GABRB1: variants seen among roughly 807,000 people sequenced by gnomAD.
GABRB1 encodes gamma-aminobutyric acid receptor subunit beta-1.
GABRB1 carries 17 observed loss-of-function variants against 51.6 expected under a neutral mutation model. That is an observed-to-expected ratio of 0.33 (90% CI 0.23 to 0.49). The LOEUF (loss-of-function observed/expected upper bound fraction) is 0.49, where lower values mean the gene tolerates loss of function less well. Among genes scored for constraint, GABRB1 ranks in the 20% least tolerant of loss-of-function variants. GABRB1 has a pLI of 0.99. For missense variants in GABRB1, 410 were observed against 600.6 expected (o/e 0.68, Z 3.32); for synonymous variants, 247 against 218.9 (o/e 1.13, Z -1.14).
intron 8 of GABRB1, among the ~76,000 whole-genome samples, chr4:47,412,208 A>G (rs886618115): frequency 3.3e-5 from 5 of 152,152 alleles, no homozygotes; most frequent in African/African-American, 1.2e-4. Flanking sequence ...TCCCAATTAT[A>G]CACCCCAGAG....
intron 5 of GABRB1, among the ~76,000 whole-genome samples, chr4:47,340,529 C>T (rs140332808): frequency 0.012 from 1,868 of 152,154 alleles, 20 homozygotes; most frequent in Middle Eastern, 0.031. Context: ...TGGTGAGGGC[C>T]CACTTCCTGC....
chr4:47,375,641 A>G (rs1727350181), intron 5 of GABRB1, among the ~76,000 whole-genome samples: 1 of 152,204 alleles, frequency 6.6e-6, no homozygotes, highest in African/African-American at 2.4e-5. Flanking sequence ...GAGCTTCTTG[A>G]GTCATTACAA....
In GABRB1 at chr4:47,280,256, C is replaced by G. The variant is rs373091784; in HGVS notation, c.462-39871C>G. ...AAGCTGATAACAGCTTAACTTTGGT[C>G]ACTTGCACAAACTCTACACTTTTAC... On this transcript the variant is annotated intron_variant, in intron 4 of 8. Coordinates refer to ENST00000295454, the MANE Select transcript of GABRB1 (RefSeq NM_000812.4). Among the ~76,000 whole-genome samples the G allele has an allele frequency of 3.3e-5, 5 of 151,782 alleles. No homozygotes were observed. The East Asian group carries it at 5.8e-4, about 18-fold the overall frequency.
At chr4:47,138,145 A>G (rs533051826) in intron 3 of GABRB1, among the ~76,000 whole-genome samples, 1 of 152,184 alleles carries the variant, frequency 6.6e-6, no homozygotes, top group East Asian at 1.9e-4. Context: ...TATGGTCTTC[A>G]GTTCTTAAGA....
chr4:47,148,256 T>C (rs1483663369), intron 3 of GABRB1, among the ~76,000 whole-genome samples: 3 of 151,986 alleles, frequency 2.0e-5, no homozygotes, highest in Non-Finnish European at 4.4e-5. Flanking sequence ...AGGGTGGAGA[T>C]GGAGGACCCG....
chr4:47,189,846 T>A (rs1305190800), intron 4 of GABRB1, among the ~76,000 whole-genome samples: 3 of 151,970 alleles, frequency 2.0e-5, no homozygotes, highest in Non-Finnish European at 4.4e-5. Context: ...ATCAGACTAT[T>A]ATGTTTTTTT....
chr4:47,030,988 T>A (rs1175264376), upstream of GABRB1, among the ~76,000 whole-genome samples: 7 of 152,148 alleles, frequency 4.6e-5, no homozygotes, highest in Non-Finnish European at 8.8e-5. Flanking sequence ...TTGCCCCTCC[T>A]ACTCTGCCTC....
chr4:47,361,634 T>C (rs1726810038), intron 5 of GABRB1, among the ~76,000 whole-genome samples: 1 of 152,094 alleles, frequency 6.6e-6, no homozygotes, highest in Non-Finnish European at 1.5e-5. Flanking sequence ...CTGCCAAATA[T>C]GACAAAAATG....
chr4:47,387,835 C>T (rs1727853433), intron 5 of GABRB1, among the ~76,000 whole-genome samples: 1 of 152,222 alleles, frequency 6.6e-6, no homozygotes, highest in African/African-American at 2.4e-5. Flanking sequence ...ACCTGGCAGG[C>T]AATTTCATCT....
chr4:47,034,126 T>C (rs372048453), intron 3 of GABRB1, among the ~76,000 whole-genome samples: 12 of 152,312 alleles, frequency 7.9e-5, no homozygotes, highest in African/African-American at 2.9e-4. Context: ...CATCCACAGA[T>C]AATTGATAAA....
intron 3 of GABRB1, among the ~76,000 whole-genome samples, chr4:47,034,377 G>A (rs1209073411): frequency 6.6e-6 from 1 of 151,954 alleles, no homozygotes; most frequent in Non-Finnish European, 1.5e-5. Context: ...TCAGAACAAG[G>A]ATTGACTTTA....
chr4:47,027,871 C>T (rs540824731), upstream of GABRB1, among the ~76,000 whole-genome samples: 1 of 151,336 alleles, frequency 6.6e-6, no homozygotes, highest in Admixed American at 6.6e-5. Context: ...ATCAGAAAAA[C>T]TGATCAATTG....
intron 8 of GABRB1, among the ~76,000 whole-genome samples, chr4:47,420,467 TA>T (rs1729058216): frequency 6.6e-6 from 1 of 152,212 alleles, no homozygotes. Context: ...TGCTGGTCTA[TA>T]CCTGCCTTAG....
intron 4 of GABRB1, among the ~76,000 whole-genome samples, chr4:47,229,399 T>G (rs17539445): frequency 0.13 from 19,039 of 152,128 alleles, 1,382 homozygotes; most frequent in Non-Finnish European, 0.15. Flanking sequence ...ACACACAGTT[T>G]ATTGAATGGT....
intron 4 of GABRB1, among the ~76,000 whole-genome samples, chr4:47,200,528 C>T (rs1167255600): frequency 6.6e-6 from 1 of 152,152 alleles, no homozygotes; most frequent in African/African-American, 2.4e-5. Context: ...ATCTTTCACA[C>T]TTTCCATTTA....
At chr4:47,418,305 A>G (rs1728991250) in intron 8 of GABRB1, among the ~76,000 whole-genome samples, 1 of 152,228 alleles carries the variant, frequency 6.6e-6, no homozygotes, top group Non-Finnish European at 1.5e-5. Flanking sequence ...TGAAGCTGGA[A>G]ACTCAGATGA....
At chr4:47,213,423 T>C (rs1455174426) in intron 4 of GABRB1, among the ~76,000 whole-genome samples, 3 of 150,308 alleles carry the variant, frequency 2.0e-5, no homozygotes, top group Non-Finnish European at 4.5e-5. Context: ...TCACATTCGC[T>C]CTCTCTCTCT....
At chr4:47,032,822 C>G (rs1342194062) in intron 3 of GABRB1, 2 of 492,404 alleles carry the variant, frequency 4.1e-6, no homozygotes, top group East Asian at 1.1e-4. Context: ...CTGCTGGCAG[C>G]CGGGCGGCCT....
intron 4 of GABRB1, among the ~76,000 whole-genome samples, chr4:47,248,706 G>C (rs576866110): frequency 6.6e-6 from 1 of 152,042 alleles, no homozygotes; most frequent in African/African-American, 2.4e-5. Flanking sequence ...TCTGTTCAGG[G>C]TGTCTAATTT....
Sources: gnomAD v4.1 joint callset for allele counts (sites outside exome capture counted in the v4.1 genomes callset) on GRCh38, gnomAD v4.1.1 for gene constraint, MANE v1.5 for transcripts, NCBI Gene and HGNC (gene_info 2026-07-23, HGNC 2026-07-21) for gene names.